SIGLECL1: variants seen among roughly 807,000 people sequenced by gnomAD.
The protein encoded by SIGLECL1 is SIGLEC family-like protein 1.
Under a neutral mutation model 19.1 loss-of-function variants are expected in SIGLECL1, and 16 were observed. The observed-to-expected ratio is 0.84, with a 90% CI of 0.57 to 1.27. The LOEUF is 1.27. Ranked by LOEUF, SIGLECL1 falls within the 50% of genes most tolerant of loss-of-function variation. The pLI, the probability that SIGLECL1 is intolerant of heterozygous loss-of-function variation, is 0.00. For synonymous variants in SIGLECL1, 89 were observed against 90.4 expected (o/e 0.98, Z 0.09); for missense variants, 210 against 239.4 (o/e 0.88, Z 0.81).
At position 51,267,459 on chromosome 19, in the gene SIGLECL1, T is replaced by C; in HGVS notation, c.497T>C (p.Leu166Pro). ...TCTAAAGTCAGAGCAAGCCAAGAAC[T>C]TGAGATGTCTCTGAAGCCTGAGGAA... Reference protein sequence around the residue: ...KSSKVRASQELEMSLKPEEPG... With the variant: ...KSSKVRASQEPEMSLKPEEPG... Residue 166 changes from leucine (L) to proline (P), a missense_variant, in exon 5 of 6, where the codon CTT (leucine) becomes CCT (proline). Transcript: ENST00000601727. 1 of 1,614,174 alleles carries C rather than the reference T, an allele frequency of 6.2e-7. No individual in the cohort carries two copies. The highest frequency in any genetic ancestry group is 8.5e-7 in the Non-Finnish European group (1 of 1,180,028).
rs183869157 is a variant in SIGLECL1, at chr19:51,252,383, G to C, written c.-191+838G>C. Among the ~76,000 whole-genome samples the C allele has an allele frequency of 1.7e-4, 26 of 152,204 alleles. No individual in the cohort carries two copies. In the East Asian group the frequency reaches 4.4e-3, roughly 26 times the overall value. ...ATGTATGCTCTAAAACTGATGGAGA[G>C]AAGAAAGAAGAAATCAGAATTTTGT... is the stretch of plus-strand genomic sequence containing the variant. On this transcript the variant is annotated intron_variant, in intron 1 of 5. Transcript: ENST00000601727.
intron 4 of SIGLECL1, among the ~76,000 whole-genome samples, chr19:51,266,166 C>T (rs1159296699): frequency 6.6e-6 from 1 of 152,124 alleles, no homozygotes; most frequent in East Asian, 1.9e-4. Flanking sequence ...CCCCGGGGTG[C>T]TGTCTGTGGT....
intron 1 of SIGLECL1, among the ~76,000 whole-genome samples, chr19:51,253,319 T>C (rs889369333): frequency 3.9e-5 from 6 of 152,116 alleles, no homozygotes; most frequent in African/African-American, 1.2e-4. Context: ...GAGGTGAAGC[T>C]ACTTGCACAC....
chr19:51,258,604 GGGCTCTGGCCAGCCTGAGCTAC>G (rs1485294339), intron 1 of SIGLECL1, among the ~76,000 whole-genome samples: 3 of 152,164 alleles, frequency 2.0e-5, no homozygotes, highest in African/African-American at 7.2e-5. Context: ...GCCCAATCTT[GGGCTCTGGCCAGCCTGAGCTAC>G]AGCTGCTAGC....
chr19:51,246,575 G>A (rs1173873584), upstream of SIGLECL1, among the ~76,000 whole-genome samples: 2 of 152,126 alleles, frequency 1.3e-5, no homozygotes, highest in Non-Finnish European at 2.9e-5. Context: ...CACTGATTGA[G>A]TGGTTAAGTT....
In SIGLECL1 at chr19:51,267,384, T is replaced by C. The variant is rs200612878; in HGVS notation, c.422T>C (p.Ile141Thr). ...GCTTATTTCCTTAGAGTGAAACATA[T>C]CAGAAAGAAGCAGGCGAAGAAAGCT... ...LCLLPLIVKHIRKKQAKKAAA... is the reference protein window; with the variant it reads ...LCLLPLIVKHTRKKQAKKAAA... Residue 141 changes from isoleucine (I) to threonine (T), a missense_variant, in exon 5 of 6, where the codon ATC (isoleucine) becomes ACC (threonine). Physicochemically the swap from Ile to Thr is moderately conservative, Grantham distance 89 (BLOSUM62 -1). Transcript: ENST00000601727. 1.1e-4 allele frequency: 181 copies of C among 1,612,256 alleles called. No homozygotes were observed. In the East Asian group the frequency reaches 2.9e-3, roughly 26 times the overall value.
chr19:51,250,954 T>C (rs1982442089), upstream of SIGLECL1: 1 of 152,250 alleles, frequency 6.6e-6, no homozygotes, highest in Non-Finnish European at 1.5e-5. Context: ...AATAAGCCCA[T>C]GCAGCCTCTG....
At chr19:51,268,513 C>T (rs372270764) in intron 5 of SIGLECL1, 58 bp from the exon 6 acceptor site, 2 of 1,587,978 alleles carry the variant, frequency 1.3e-6, no homozygotes. Context: ...GGATACCTCA[C>T]CTCTAGACCT....
intron 2 of SIGLECL1, chr19:51,264,366 A>G: frequency 2.6e-6 from 1 of 384,130 alleles, no homozygotes; most frequent in African/African-American, 2.1e-5. Flanking sequence ...TGTTTCAGAC[A>G]TTACTGGAAG....
chr19:51,266,289 G>A (rs565258857), intron 4 of SIGLECL1, among the ~76,000 whole-genome samples: 76 of 152,120 alleles, frequency 5.0e-4, no homozygotes, highest in African/African-American at 1.7e-3. Context: ...AAAAGTTCTC[G>A]AGGCACCGAC....
At chr19:51,249,602 G>A (rs1419530938), upstream of SIGLECL1, among the ~76,000 whole-genome samples, 9 of 152,156 alleles carry the variant, frequency 5.9e-5, no homozygotes, top group Non-Finnish European at 1.3e-4. Context: ...AGGGAGTGGA[G>A]GTCTCCCATG....
chr19:51,254,628 G>A (rs1441608456), intron 1 of SIGLECL1, among the ~76,000 whole-genome samples: 2 of 152,102 alleles, frequency 1.3e-5, no homozygotes, highest in South Asian at 4.1e-4. Context: ...CTACAACTAG[G>A]GGGTGGAGTT....
chr19:51,265,661 G>A lies in SIGLECL1; in HGVS notation c.304+12G>A, dbSNP rs752985085. 20 of 1,611,598 alleles carry A rather than the reference G, an allele frequency of 1.2e-5. No homozygotes were observed. The highest frequency in any genetic ancestry group is 6.7e-5 in the African/African-American group (5 of 74,886). ...CCTACTGATGTCAAGTGAGGGTGGA[G>A]GGGGCTCGGTGACTGGGTGAGGACA... is the stretch of plus-strand genomic sequence containing the variant. On this transcript the variant is annotated intron_variant, in intron 3 of 5. Transcript: ENST00000601727.
chr19:51,259,808 G>A (rs1196310214), intron 1 of SIGLECL1, among the ~76,000 whole-genome samples: 1 of 152,190 alleles, frequency 6.6e-6, no homozygotes, highest in African/African-American at 2.4e-5. Flanking sequence ...TTTATGAACA[G>A]GTGGCTTTTT....
chr19:51,268,946 C>T lies in SIGLECL1; in HGVS notation c.*349C>T, dbSNP rs992816420. Reference sequence around the variant, plus strand: ...TCCATCAGCAAGTTACTTTTGAGCGCCTACTGTGTGTCAGTGCCTGAGATA... The same window carrying T: ...TCCATCAGCAAGTTACTTTTGAGCGTCTACTGTGTGTCAGTGCCTGAGATA... On this transcript the variant is annotated 3_prime_UTR_variant, in exon 6 of 6. Transcript: ENST00000601727. 6 of 227,932 alleles carry T rather than the reference C, an allele frequency of 2.6e-5. No individual in the cohort carries two copies. The highest frequency in any genetic ancestry group is 1.5e-4 in the Admixed American group (3 of 19,602). The allele number at this position is 227,932 out of a possible 1,614,324, so 14.1% of individuals were successfully genotyped here.
chr19:51,249,686 G>A (rs1982381795), upstream of SIGLECL1, among the ~76,000 whole-genome samples: 1 of 152,104 alleles, frequency 6.6e-6, no homozygotes, highest in Admixed American at 6.5e-5. Context: ...AATACCATTA[G>A]CAAATGATAT....
rs867717162 is a variant in SIGLECL1, at chr19:51,265,894, G to A, written c.410+12G>A. 1.9e-6 allele frequency: 3 copies of A among 1,613,432 alleles called. No individual in the cohort carries two copies. In the African/African-American group the frequency reaches 4.0e-5, roughly 22 times the overall value. On this transcript the variant is annotated intron_variant, in intron 4 of 5. Transcript: ENST00000601727. ...CTCCTCCCTCTCATGTGAGTACTAGGGTTAATATTCACCCGCAAGCCTACT... is the reference window on the plus strand; with the variant it reads ...CTCCTCCCTCTCATGTGAGTACTAGAGTTAATATTCACCCGCAAGCCTACT...
rs184102997 is a variant in SIGLECL1 at position 51,258,985 on chromosome 19, G to A, written c.-190-4898G>A. On this transcript the variant is annotated intron_variant, in intron 1 of 5. Coordinates refer to ENST00000601727, the MANE Select transcript of SIGLECL1 (RefSeq NM_001385465.1). Reference sequence around the variant, plus strand: ...CTGACCTCAGATCTCCTGAGGGGACGAACATGTGATCTAATCAAGATAAAT... The same window carrying A: ...CTGACCTCAGATCTCCTGAGGGGACAAACATGTGATCTAATCAAGATAAAT... Among the ~76,000 whole-genome samples the A allele has an allele frequency of 4.7e-3, 713 of 152,226 alleles. 6 individuals are homozygous for A. Among genetic ancestry groups the A allele is most frequent in the Non-Finnish European group, 5.9e-3 (402 of 68,008 alleles).
In SIGLECL1 at chr19:51,268,794, T is replaced by G. The variant is rs778890976; in HGVS notation, c.*197T>G. The G allele has an allele frequency of 1.6e-5, 9 of 567,450 alleles. No individual in the cohort carries two copies. The highest frequency in any genetic ancestry group is 2.8e-5 in the Non-Finnish European group (9 of 323,282). 35.2% of individuals were successfully genotyped at this position (567,450 alleles called of 1,614,324 possible). On this transcript the variant is annotated 3_prime_UTR_variant, in exon 6 of 6. Coordinates refer to ENST00000601727, the MANE Select transcript of SIGLECL1 (RefSeq NM_001385465.1). ...TCTCCATTGAATAGGTGGTTACTCT[T>G]AGACCTAGTCTTAGAACCTCTGAAG...
Sources: allele counts gnomAD v4.1 joint callset (sites outside exome capture counted in the v4.1 genomes callset), GRCh38; gene constraint gnomAD v4.1.1; transcripts MANE v1.5; gene names NCBI Gene and HGNC (gene_info 2026-07-23, HGNC 2026-07-21).